ELMOD1: variants seen among roughly 807,000 people sequenced by gnomAD.
ELMOD1 encodes ELMO domain containing 1, also known as ELMO domain-containing protein 1.
In ELMOD1, 21 loss-of-function variants were observed where a neutral mutation model predicts 46.7. The ratio of observed to expected loss-of-function variants is 0.45; its 90% CI spans 0.32 to 0.65. ELMOD1 has a LOEUF of 0.65. ELMOD1 is among the 30% of genes least tolerant of loss of function. ELMOD1 has a pLI of 0.04. For synonymous variants in ELMOD1, 122 were observed against 138.2 expected (o/e 0.88, Z 0.82); for missense variants, 348 against 407.8 (o/e 0.85, Z 1.26).
At chr11:107,627,964 C>G (rs1180532025) in intron 2 of ELMOD1, among the ~76,000 whole-genome samples, 1 of 151,918 alleles carries the variant, frequency 6.6e-6, no homozygotes, top group Non-Finnish European at 1.5e-5. Context: ...TTAGGGAAAG[C>G]TTTTATCTTT....
At chr11:107,654,131 G>C (rs1239634436) in intron 9 of ELMOD1, 41 bp from the exon 10 acceptor site, 1 of 1,518,480 alleles carries the variant, frequency 6.6e-7, no homozygotes, top group Admixed American at 2.0e-5. Context: ...ACCAATTAGA[G>C]GTTAAATCTG....
At chr11:107,598,402 C>T (rs1865530570) in intron 1 of ELMOD1, among the ~76,000 whole-genome samples, 1 of 152,198 alleles carries the variant, frequency 6.6e-6, no homozygotes, top group African/African-American at 2.4e-5. Context: ...TGCCCACCCA[C>T]ACTGGGAAGG....
intron 11 of ELMOD1, among the ~76,000 whole-genome samples, chr11:107,664,028 G>A (rs1866792083): frequency 6.6e-6 from 1 of 151,898 alleles, no homozygotes; most frequent in African/African-American, 2.4e-5. Context: ...CTCTGTCACC[G>A]AGGCTGGAGT....
At chr11:107,664,922 C>T (rs1460112020) in intron 11 of ELMOD1, 103 bp from the exon 12 acceptor site, 11 of 1,041,546 alleles carry the variant, frequency 1.1e-5, no homozygotes, top group South Asian at 1.6e-5. Context: ...TCCACGGTTG[C>T]TGTGGCTTGG....
In ELMOD1 at chr11:107,647,479, C is replaced by T. The variant is rs942414559; in HGVS notation, c.432C>T (p.Phe144=). The part of the protein sequence containing the change: ...HEEMLLKLWK[F]LKPNTPLESR... ...TTTTTTTCCTACAGTTATGGAAATT[C>T]TTGAAGCCCAATACTCCACTGGAAT... Residue 144 remains phenylalanine (F), a synonymous_variant, in exon 7 of 12, where the codon TTC becomes TTT. Transcript: ENST00000265840. 5 of 1,600,826 alleles carry T rather than the reference C, an allele frequency of 3.1e-6. No homozygotes were observed. The highest frequency in any genetic ancestry group is 1.7e-5 in the Admixed American group (1 of 57,468).
chr11:107,661,878 C>A (rs1866745218), intron 11 of ELMOD1, among the ~76,000 whole-genome samples: 1 of 152,084 alleles, frequency 6.6e-6, no homozygotes, highest in Admixed American at 6.6e-5. Context: ...TGATTGAATT[C>A]TTTTGGTTGG....
intron 1 of ELMOD1, among the ~76,000 whole-genome samples, chr11:107,606,663 C>T (rs1334775001): frequency 3.9e-5 from 6 of 152,100 alleles, no homozygotes; most frequent in African/African-American, 1.2e-4. Context: ...GGTGAAACCG[C>T]GTCTCTACTA....
chr11:107,626,615 T>C (rs376749006), intron 2 of ELMOD1, among the ~76,000 whole-genome samples: 2 of 69,908 alleles, frequency 2.9e-5, no homozygotes, highest in African/African-American at 7.6e-5. Context: ...CTTTCCTTCT[T>C]TCTTTCTTTC....
chr11:107,609,718 CAA>C (rs150502321), intron 1 of ELMOD1, among the ~76,000 whole-genome samples: 5,039 of 152,208 alleles, frequency 0.033, 110 homozygotes, highest in African/African-American at 0.051. Context: ...GAAAAAAAGA[CAA>C]GAGGCAGATA....
chr11:107,658,787 T>C (rs1866677769), intron 11 of ELMOD1, among the ~76,000 whole-genome samples: 1 of 152,110 alleles, frequency 6.6e-6, no homozygotes, highest in Non-Finnish European at 1.5e-5. Flanking sequence ...ATACAAAAAT[T>C]AGCCAGGTGT....
chr11:107,597,165 T>A (rs867010069), intron 1 of ELMOD1, among the ~76,000 whole-genome samples: 59 of 152,308 alleles, frequency 3.9e-4, no homozygotes, highest in African/African-American at 1.4e-3. Context: ...TAGATCATAA[T>A]GCAAAGCTCA....
chr11:107,644,908 G>GTTTTTTTTTTTTTTTTTTT (rs35769494), intron 6 of ELMOD1, among the ~76,000 whole-genome samples: 4 of 127,004 alleles, frequency 3.1e-5, no homozygotes, highest in Non-Finnish European at 3.1e-5. Flanking sequence ...TTCCTAAAGG[G>GTTTTTTTTTTTTTTTTTTT]TTTTTGTTTT....
chr11:107,628,333 A>C (rs1866078893), intron 2 of ELMOD1, among the ~76,000 whole-genome samples: 1 of 151,744 alleles, frequency 6.6e-6, no homozygotes, highest in Non-Finnish European at 1.5e-5. Flanking sequence ...CGCCCAGCTA[A>C]TTTTTGTATT....
intron 1 of ELMOD1, among the ~76,000 whole-genome samples, chr11:107,612,591 G>C (rs77507108): frequency 0.034 from 5,164 of 152,294 alleles, 222 homozygotes; most frequent in East Asian, 0.19. Context: ...GGCTATAGCA[G>C]AGGCTTAGTA....
intron 6 of ELMOD1, chr11:107,643,519 G>T: frequency 4.4e-6 from 2 of 455,958 alleles, no homozygotes; most frequent in Non-Finnish European, 8.9e-6. Flanking sequence ...TCTGTGTCTA[G>T]TATAGTCTGT....
intron 1 of ELMOD1, chr11:107,592,193 G>T: frequency 2.6e-6 from 1 of 386,142 alleles, no homozygotes. Flanking sequence ...CACATCTTAT[G>T]AATATTTCAG....
intron 2 of ELMOD1, among the ~76,000 whole-genome samples, chr11:107,619,132 G>C (rs577049309): frequency 6.6e-6 from 1 of 152,200 alleles, no homozygotes; most frequent in Non-Finnish European, 1.5e-5. Context: ...CAGTGGTTTT[G>C]GTTCCATTGT....
At chr11:107,600,790 T>C (rs1421905733) in intron 1 of ELMOD1, 9 of 152,578 alleles carry the variant, frequency 5.9e-5, no homozygotes, top group African/African-American at 1.9e-4. Flanking sequence ...ATGGATACTG[T>C]CCTAGAATGG....
chr11:107,633,241 C>T (rs10789627), intron 5 of ELMOD1, among the ~76,000 whole-genome samples: 104,657 of 151,776 alleles, frequency 0.69, 36,275 homozygotes, highest in Non-Finnish European at 0.73. Context: ...TTTTACAGAG[C>T]GACATTGATA....
Sources: allele counts gnomAD v4.1 joint callset (sites outside exome capture counted in the v4.1 genomes callset), GRCh38; gene constraint gnomAD v4.1.1; transcripts MANE v1.5; gene names NCBI Gene and HGNC (gene_info 2026-07-23, HGNC 2026-07-21).